Variants in MYH16 observed in about 807,000 individuals in gnomAD.
MYH16 encodes the protein putative uncharacterized protein MYH16.
At chr7:99,291,640 C>T (rs888574655) in intron 31 of MYH16, among the ~76,000 whole-genome samples, 190 bp downstream of exon 12, 4 of 138,810 alleles carry the variant, frequency 2.9e-5, no homozygotes, top group African/African-American at 1.1e-4. Flanking sequence ...CCCCCCACCC[C>T]CAACGCCATC....
chr7:99,249,572 GTTTTTTTTTTTTT>G (rs1195632373), intron 4 of MYH16, among the ~76,000 whole-genome samples: 19 of 116,768 alleles, frequency 1.6e-4, no homozygotes, highest in Non-Finnish European at 2.2e-4. Flanking sequence ...GAAAAGTGCT[GTTTTTTTTTTTTT>G]TTTTTTTTTT....
intron 2 of MYH16, among the ~76,000 whole-genome samples, chr7:99,244,643 G>A (rs1156769845): frequency 6.6e-6 from 1 of 152,118 alleles, no homozygotes; most frequent in African/African-American, 2.4e-5. Context: ...CTAGATTCAG[G>A]CCCCAGTAGT....
intron 19 of MYH16, among the ~76,000 whole-genome samples, chr7:99,272,092 A>C (rs1792053663): frequency 6.6e-6 from 1 of 152,148 alleles, no homozygotes; most frequent in Admixed American, 6.6e-5. Context: ...ATTTGCTGAG[A>C]CCCTATTCCC....
At chr7:99,277,435 G>A (rs1249731473) in intron 20 of MYH16, 104 bp from the exon 3 acceptor site, 1 of 363,688 alleles carries the variant, frequency 2.7e-6, no homozygotes, top group East Asian at 7.4e-5. Context: ...TCCCACCACA[G>A]TGGTGCTGTG....
At chr7:99,263,921 C>A (rs1173187645) in intron 14 of MYH16, among the ~76,000 whole-genome samples, 1 of 152,200 alleles carries the variant, frequency 6.6e-6, no homozygotes, top group Non-Finnish European at 1.5e-5. Context: ...TCTCCCTGGT[C>A]TCACCACCAA....
exon 26 of MYH16, chr7:99,284,875 G>A (rs1438002048): frequency 2.2e-6 from 1 of 456,724 alleles, no homozygotes; most frequent in Admixed American, 2.3e-5. Flanking sequence ...CTGTCAACTC[G>A]AAATATGAGG....
At chr7:99,244,282 A>G (rs556465512) in intron 2 of MYH16, among the ~76,000 whole-genome samples, 1 of 152,378 alleles carries the variant, frequency 6.6e-6, no homozygotes, top group South Asian at 2.1e-4. Context: ...CTTAGGAAGG[A>G]CAACCAACTG....
intron 23 of MYH16, 125 bp downstream of exon 5, chr7:99,281,105 G>A (rs1466339671): frequency 5.1e-6 from 1 of 194,316 alleles, no homozygotes; most frequent in Non-Finnish European, 1.1e-5. Flanking sequence ...GGGGCCTTAG[G>A]GAAGTTAAGG....
At chr7:99,252,499 G>C (rs1791822449) in intron 6 of MYH16, 1 of 152,282 alleles carries the variant, frequency 6.6e-6, no homozygotes, top group Non-Finnish European at 1.5e-5. Context: ...TGACATGGAA[G>C]GCTCCCGATA....
chr7:99,282,267 C>A (rs1792209096), intron 23 of MYH16, among the ~76,000 whole-genome samples: 1 of 152,136 alleles, frequency 6.6e-6, no homozygotes, highest in Non-Finnish European at 1.5e-5. Flanking sequence ...CTCAAGTGAT[C>A]CTCCCACCTG....
chr7:99,245,858 C>G (rs1791722905), intron 2 of MYH16, among the ~76,000 whole-genome samples: 2 of 151,874 alleles, frequency 1.3e-5, no homozygotes, highest in South Asian at 4.2e-4. Flanking sequence ...AGGGTGATTT[C>G]TTACAAAATT....
intron 19 of MYH16, among the ~76,000 whole-genome samples, chr7:99,272,614 G>A (rs1264598298): frequency 6.6e-6 from 1 of 152,032 alleles, no homozygotes; most frequent in African/African-American, 2.4e-5. Flanking sequence ...GCAGGTGGTG[G>A]TGCATGCCTG....
At chr7:99,252,075 G>A (rs1032795097) in intron 6 of MYH16, among the ~76,000 whole-genome samples, 4 of 152,194 alleles carry the variant, frequency 2.6e-5, no homozygotes, top group African/African-American at 7.2e-5. Flanking sequence ...AGTGATGGTG[G>A]AGGGGCTGGG....
At chr7:99,295,770 C>T (rs1792476959) in intron 33 of MYH16, among the ~76,000 whole-genome samples, 2 of 146,694 alleles carry the variant, frequency 1.4e-5, no homozygotes, top group Admixed American at 7.0e-5. Flanking sequence ...GAGGCTGAGG[C>T]TACAGTTAGC....
chr7:99,302,307 A>ATATAT (rs1379040977), intron 38 of MYH16, among the ~76,000 whole-genome samples: 9 of 118,684 alleles, frequency 7.6e-5, no homozygotes, highest in African/African-American at 4.2e-4. Flanking sequence ...CTCAAAAAAA[A>ATATAT]AAAAATATAT....
intron 18 of MYH16, among the ~76,000 whole-genome samples, chr7:99,269,273 C>CTT (rs370518994): frequency 1.0e-4 from 15 of 144,154 alleles, no homozygotes; most frequent in East Asian, 2.0e-4. Context: ...GAACCATTCT[C>CTT]TTTTTTTTTT....
chr7:99,309,031 AG>A (rs1395916088), downstream of MYH16, among the ~76,000 whole-genome samples: 1 of 152,212 alleles, frequency 6.6e-6, no homozygotes, highest in Non-Finnish European at 1.5e-5. Flanking sequence ...CCCGTTTGTC[AG>A]GTGAGGAAAA....
At chr7:99,241,551 C>T (rs1023267724) in intron 1 of MYH16, among the ~76,000 whole-genome samples, 5 of 152,126 alleles carry the variant, frequency 3.3e-5, no homozygotes, top group Admixed American at 6.5e-5. Context: ...CCACTGCACT[C>T]CAGCATGAGT....
At chr7:99,268,164 C>A (rs1263496204) in intron 18 of MYH16, among the ~76,000 whole-genome samples, 1 of 152,326 alleles carries the variant, frequency 6.6e-6, no homozygotes, top group East Asian at 1.9e-4. Context: ...GCCCTAGAAC[C>A]TGCTGGAACT....
Sources: allele counts gnomAD v4.1 joint callset (sites outside exome capture counted in the v4.1 genomes callset), GRCh38; gene constraint gnomAD v4.1.1; transcripts MANE v1.5; gene names NCBI Gene and HGNC (gene_info 2026-07-23, HGNC 2026-07-21).